ABTB2: variants seen among roughly 807,000 people sequenced by gnomAD.
ABTB2 encodes ankyrin repeat and BTB/POZ domain-containing protein 2.
In ABTB2, 56 loss-of-function variants were observed where a neutral mutation model predicts 104.1. The ratio of observed to expected loss-of-function variants is 0.54; its 90% CI spans 0.43 to 0.67. The LOEUF (loss-of-function observed/expected upper bound fraction) is 0.67, where lower values mean the gene tolerates loss of function less well. ABTB2 is among the 30% of genes least tolerant of loss of function. ABTB2 has a pLI of 0.00. For missense variants in ABTB2, 1,279 were observed against 1,407.7 expected, an observed-to-expected ratio of 0.91 and a Z score of 1.46; for synonymous variants, 606 against 608.2, an observed-to-expected ratio of 1.00 and a Z score of 0.05.
intron 4 of ABTB2, among the ~76,000 whole-genome samples, 189 bp from the exon 5 acceptor site, chr11:34,171,260 C>T (rs1226655543): frequency 1.3e-5 from 2 of 152,162 alleles, no homozygotes; most frequent in African/African-American, 4.8e-5. Context: ...CACATTTCTG[C>T]TTTTCTATAA....
intron 2 of ABTB2, among the ~76,000 whole-genome samples, chr11:34,202,839 A>AAAAACAAAAC (rs56088689): frequency 6.6e-5 from 10 of 151,616 alleles, no homozygotes; most frequent in South Asian, 4.2e-4. Flanking sequence ...ACTCCATCTC[A>AAAAACAAAAC]AAAACAAAAC....
At chr11:34,271,177 C>A (rs1854309615) in intron 1 of ABTB2, among the ~76,000 whole-genome samples, 1 of 152,126 alleles carries the variant, frequency 6.6e-6, no homozygotes, top group Non-Finnish European at 1.5e-5. Context: ...CAGCCCAGGG[C>A]AGAAATAGAA....
At chr11:34,217,949 T>A (rs1041231129) in intron 1 of ABTB2, among the ~76,000 whole-genome samples, 1 of 152,228 alleles carries the variant, frequency 6.6e-6, no homozygotes, top group Non-Finnish European at 1.5e-5. Context: ...CATTTGGTGG[T>A]ATCAGTGTTC....
chr11:34,164,367 T>C (rs992286993), intron 9 of ABTB2, among the ~76,000 whole-genome samples: 1 of 72,206 alleles, frequency 1.4e-5, no homozygotes, highest in African/African-American at 2.9e-5. Flanking sequence ...CCAGCAGGCA[T>C]GGGAAGCAAT....
At chr11:34,167,597 A>C (rs1048725088) in intron 6 of ABTB2, among the ~76,000 whole-genome samples, 3 of 152,166 alleles carry the variant, frequency 2.0e-5, no homozygotes, top group Non-Finnish European at 4.4e-5. Context: ...GCAGAGCTAG[A>C]AGTATTTGGG....
intron 1 of ABTB2, among the ~76,000 whole-genome samples, chr11:34,332,828 A>G (rs530701793): frequency 1.2e-4 from 18 of 152,154 alleles, no homozygotes; most frequent in Non-Finnish European, 2.5e-4. Context: ...AAAAAAAAAA[A>G]AAAATCCTGA....
chr11:34,177,682 C>T (rs1176627492), intron 3 of ABTB2, among the ~76,000 whole-genome samples: 1 of 152,050 alleles, frequency 6.6e-6, no homozygotes, highest in Non-Finnish European at 1.5e-5. Flanking sequence ...AACCTCCCAC[C>T]TCAGCCTCCC....
At chr11:34,292,195 T>C (rs770966776) in intron 1 of ABTB2, among the ~76,000 whole-genome samples, 5 of 152,130 alleles carry the variant, frequency 3.3e-5, no homozygotes, top group Admixed American at 1.3e-4. Flanking sequence ...GTTCATCCTA[T>C]ACCCTGCTCC....
intron 1 of ABTB2, among the ~76,000 whole-genome samples, chr11:34,280,787 G>T (rs1330134046): frequency 1.3e-5 from 2 of 152,194 alleles, no homozygotes; most frequent in Non-Finnish European, 2.9e-5. Flanking sequence ...CAGGCTCAGA[G>T]AAGTTAATTA....
rs371233186 is a variant in ABTB2, at chr11:34,204,501, G to A, written c.1030+43C>T. On this transcript the variant is annotated intron_variant, in intron 2 of 16. Transcript: ENST00000435224. Reference sequence around the variant, plus strand: ...TGCCTTCCCCCAGCCCTGAGACCTCGCCGTTGCTCTACCATCCAGCTAGAC... The same window carrying A: ...TGCCTTCCCCCAGCCCTGAGACCTCACCGTTGCTCTACCATCCAGCTAGAC... 97 of 1,526,034 alleles carry A rather than the reference G, an allele frequency of 6.4e-5. No homozygotes were observed. In the South Asian group the frequency reaches 8.9e-4, roughly 14 times the overall value. The allele number at this position is 1,526,034 out of a possible 1,614,324, so 94.5% of individuals were successfully genotyped here.
chr11:34,164,691 G>A lies in ABTB2; in HGVS notation c.1983C>T (p.Gly661=), dbSNP rs777020035. Residue 661 remains glycine, a synonymous_variant, in exon 9 of 17, where the codon GGC becomes GGT. Transcript: ENST00000435224. Reference sequence around the variant, plus strand: ...TGGGAATCCCGGGCAGGTACCTGTGGCCGTGGGCAGCTGAGTGGCTGAAGC... The same window carrying A: ...TGGGAATCCCGGGCAGGTACCTGTGACCGTGGGCAGCTGAGTGGCTGAAGC... ...MNCFSHSAAH[G]HRNVLRKLLT... 1 of 1,512,582 alleles carries A rather than the reference G, an allele frequency of 6.6e-7. No homozygotes were observed. The highest frequency in any genetic ancestry group is 1.3e-5 in the South Asian group (1 of 75,094). The allele number at this position is 1,512,582 out of a possible 1,614,324, so 93.7% of individuals were successfully genotyped here. A position where few individuals can be genotyped will look rare whatever the true frequency, so the allele number is the denominator to read the frequency against.
intron 1 of ABTB2, among the ~76,000 whole-genome samples, chr11:34,220,837 C>T (rs1419319963): frequency 6.6e-6 from 1 of 152,202 alleles, no homozygotes; most frequent in Non-Finnish European, 1.5e-5. Flanking sequence ...TCTCACTGTT[C>T]TAGAGGCCTG....
chr11:34,212,543 T>G (rs1003205138), intron 1 of ABTB2, among the ~76,000 whole-genome samples: 14 of 152,330 alleles, frequency 9.2e-5, no homozygotes, highest in African/African-American at 3.4e-4. Flanking sequence ...CTGAGTCATT[T>G]GACTGAGGTC....
At chr11:34,240,051 A>T (rs754601219) in intron 1 of ABTB2, among the ~76,000 whole-genome samples, 1 of 152,206 alleles carries the variant, frequency 6.6e-6, no homozygotes, top group Non-Finnish European at 1.5e-5. Context: ...AAGATAGTTA[A>T]TGGACACAGA....
At chr11:34,277,683 G>A (rs1291506402) in intron 1 of ABTB2, among the ~76,000 whole-genome samples, 1 of 151,398 alleles carries the variant, frequency 6.6e-6, no homozygotes, top group Non-Finnish European at 1.5e-5. Flanking sequence ...AGGAGGCTGA[G>A]GCAGGAGAAT....
At chr11:34,259,796 C>T (rs1854166909) in intron 1 of ABTB2, among the ~76,000 whole-genome samples, 1 of 152,082 alleles carries the variant, frequency 6.6e-6, no homozygotes, top group Non-Finnish European at 1.5e-5. Context: ...AGAGACCTTC[C>T]CCTAAATAAA....
intron 3 of ABTB2, 132 bp downstream of exon 3, chr11:34,197,193 C>T: frequency 9.8e-7 from 1 of 1,016,050 alleles, no homozygotes; most frequent in Non-Finnish European, 1.5e-6. Context: ...GGGCCACCTC[C>T]TCACAGGCAT....
At chr11:34,244,826 G>A (rs750157282) in intron 1 of ABTB2, among the ~76,000 whole-genome samples, 46 of 152,114 alleles carry the variant, frequency 3.0e-4, no homozygotes, top group Admixed American at 2.8e-3. Flanking sequence ...TGGGTTACAT[G>A]GCAAAACCAC....
At chr11:34,272,733 C>CAAAAAAAAAAAAAAAAAA (rs1323130706) in intron 1 of ABTB2, among the ~76,000 whole-genome samples, 4 of 127,654 alleles carry the variant, frequency 3.1e-5, no homozygotes, top group Admixed American at 9.7e-5. Flanking sequence ...AAAAAAAAAC[C>CAAAAAAAAAAAAAAAAAA]AACCAACCAT....
Sources: allele counts gnomAD v4.1 joint callset (sites outside exome capture counted in the v4.1 genomes callset), GRCh38; gene constraint gnomAD v4.1.1; transcripts MANE v1.5; gene names NCBI Gene and HGNC (gene_info 2026-07-23, HGNC 2026-07-21).